NPAS2: variants seen among roughly 807,000 people sequenced by gnomAD.
NPAS2 encodes the protein neuronal PAS domain protein 2.
Under a neutral mutation model 107.5 loss-of-function variants are expected in NPAS2, and 23 were observed. The ratio of observed to expected loss-of-function variants is 0.21; its 90% CI spans 0.15 to 0.30. The LOEUF is 0.30. Ranked by LOEUF, NPAS2 falls within the 10% of genes least tolerant of loss-of-function variation. NPAS2 has a pLI of 1.00. For synonymous variants in NPAS2, 403 were observed against 417.5 expected, an observed-to-expected ratio of 0.97 and a Z score of 0.42; for missense variants, 756 against 1,043.3, an observed-to-expected ratio of 0.72 and a Z score of 3.79.
At chr2:100,951,333 G>A (rs545059014) in intron 7 of NPAS2, among the ~76,000 whole-genome samples, 7 of 152,262 alleles carry the variant, frequency 4.6e-5, no homozygotes, top group Non-Finnish European at 7.4e-5. Context: ...TCTACTTATG[G>A]GTATGCACGC....
At chr2:100,985,082 G>C (rs976216459) in intron 16 of NPAS2, 12 of 152,262 alleles carry the variant, frequency 7.9e-5, no homozygotes, top group African/African-American at 2.9e-4. Flanking sequence ...GACACCTGTA[G>C]CAATGGCAAA....
chr2:100,916,132 TA>T (rs1682868035), intron 2 of NPAS2, among the ~76,000 whole-genome samples: 1 of 151,940 alleles, frequency 6.6e-6, no homozygotes, highest in South Asian at 2.1e-4. Flanking sequence ...AATGGAATAC[TA>T]AAAAATGTTT....
chr2:100,991,005 C>A lies in NPAS2; in HGVS notation c.2111+133C>A, dbSNP rs1025754742. ...AGGCAAGGTCTGAGTGTGCCCACAG[C>A]TGTGAAGGGGACGCTGCCCCTCAGC... On this transcript the variant is annotated intron_variant, in intron 19 of 20. Transcript: ENST00000335681. 4 of 726,318 alleles carry A rather than the reference C, an allele frequency of 5.5e-6. No individual in the cohort carries two copies. The Admixed American group carries it at 8.8e-5, about 16-fold the overall frequency. The allele number at this position is 726,318 out of a possible 1,614,324, so 45.0% of individuals were successfully genotyped here. A position where few individuals can be genotyped will look rare whatever the true frequency, so the allele number is the denominator to read the frequency against.
At chr2:100,937,963 G>A in intron 5 of NPAS2, 121 bp downstream of exon 5, 2 of 839,544 alleles carry the variant, frequency 2.4e-6, no homozygotes, top group Middle Eastern at 2.5e-4. Context: ...AGAGGGCGGA[G>A]AGTAAAGGAC....
chr2:100,844,523 T>C (rs983194215), intron 1 of NPAS2, among the ~76,000 whole-genome samples: 1 of 152,152 alleles, frequency 6.6e-6, no homozygotes, highest in African/African-American at 2.4e-5. Flanking sequence ...CCCCGCCAGC[T>C]CTGCAGGTAT....
intron 2 of NPAS2, among the ~76,000 whole-genome samples, chr2:100,921,814 T>G (rs913234880): frequency 3.3e-5 from 5 of 152,134 alleles, no homozygotes. Flanking sequence ...GACCCAGCAA[T>G]TCCATGCCTC....
At chr2:100,902,226 G>A (rs780295800) in intron 1 of NPAS2, among the ~76,000 whole-genome samples, 1 of 152,122 alleles carries the variant, frequency 6.6e-6, no homozygotes, top group Non-Finnish European at 1.5e-5. Flanking sequence ...TTGCCTTCAA[G>A]CTGGTTCCAG....
At chr2:100,873,299 TATATATATACACACACACACACAC>T (rs1320252311) in intron 1 of NPAS2, among the ~76,000 whole-genome samples, 2 of 44,970 alleles carry the variant, frequency 4.4e-5, no homozygotes, top group African/African-American at 1.5e-4. Flanking sequence ...TATATATATA[TATATATATACACACACACACACAC>T]ACACACACAC....
chr2:100,880,981 T>C (rs1298354595), intron 1 of NPAS2, among the ~76,000 whole-genome samples: 2 of 152,064 alleles, frequency 1.3e-5, no homozygotes, highest in African/African-American at 4.8e-5. Flanking sequence ...GCCTGTCGGG[T>C]GCTGCACTCA....
At chr2:100,844,483 C>A in intron 1 of NPAS2, among the ~76,000 whole-genome samples, 1 of 152,194 alleles carries the variant, frequency 6.6e-6, no homozygotes, top group Non-Finnish European at 1.5e-5. Context: ...GAGGAGGGGC[C>A]CGTGATTCTG....
chr2:100,862,629 G>A (rs1422650546), intron 1 of NPAS2, among the ~76,000 whole-genome samples: 2 of 152,136 alleles, frequency 1.3e-5, no homozygotes, highest in African/African-American at 2.4e-5. Flanking sequence ...AGGTTTTCAG[G>A]TTTGCCCAGG....
intron 17 of NPAS2, chr2:100,988,607 G>A (rs531485975): frequency 4.1e-4 from 146 of 355,834 alleles, no homozygotes; most frequent in Admixed American, 1.3e-3. Flanking sequence ...GAGACCCACT[G>A]GCAGCTGAAT....
rs147400646 is a variant in NPAS2 at position 100,953,331 on chromosome 2, G to A, written c.598+3851G>A. On this transcript the variant is annotated intron_variant, in intron 7 of 20. Transcript: ENST00000335681. ...GGAGGTTACAGTGAGTCGAGATCAC[G>A]CCACAGTACTCCAGCCTGGGTGACA... Among the ~76,000 whole-genome samples the A allele has an allele frequency of 9.6e-3, 1,404 of 146,358 alleles. 26 individuals carry two copies. The highest frequency in any genetic ancestry group is 0.035 in the African/African-American group (1,361 of 39,304).
intron 1 of NPAS2, among the ~76,000 whole-genome samples, chr2:100,889,471 A>G (rs1680918682): frequency 6.6e-6 from 1 of 152,070 alleles, no homozygotes; most frequent in Non-Finnish European, 1.5e-5. Flanking sequence ...TTTTTTCCCT[A>G]CTGACCTATG....
At position 100,995,486 on chromosome 2, in the gene NPAS2, C is replaced by G. The variant is rs778292651; in HGVS notation, c.2379C>G (p.Tyr793Ter). Residue 793 changes from tyrosine (Y) to a stop codon, truncating the protein, a stop_gained, in exon 21 of 21, where the codon TAC (tyrosine) becomes TAG (stop). Transcript: ENST00000335681. LOFTEE classifies it high-confidence loss of function. ...CACAACAGCCAGGGACCCTGGGCTA[C>G]CCCCAACCACCCCCAGCACAGCCCC... ...TYSQQPGTLG[Y>*]PQPPPAQPQP... The G allele has an allele frequency of 6.2e-7, 1 of 1,613,868 alleles. No homozygotes were observed. Among genetic ancestry groups the G allele is most frequent in the Non-Finnish European group, 8.5e-7 (1 of 1,179,958 alleles).
chr2:100,845,034 A>G (rs935525971), intron 1 of NPAS2, among the ~76,000 whole-genome samples: 3 of 152,182 alleles, frequency 2.0e-5, no homozygotes, highest in Non-Finnish European at 4.4e-5. Flanking sequence ...GGAAAGCCTC[A>G]CAGTGGAAAG....
intron 4 of NPAS2, among the ~76,000 whole-genome samples, chr2:100,936,406 C>T (rs576503579): frequency 1.1e-4 from 17 of 152,242 alleles, no homozygotes; most frequent in East Asian, 3.9e-4. Context: ...TGTCCAGATT[C>T]GGGGAAGATA....
At chr2:100,937,607 C>T in intron 4 of NPAS2, 146 bp from the exon 5 acceptor site, 2 of 680,516 alleles carry the variant, frequency 2.9e-6, no homozygotes, top group Admixed American at 2.1e-5. Context: ...CCGTGGAAGG[C>T]CAAGAAGTGC....
chr2:100,830,775 G>A lies in NPAS2; in HGVS notation c.-23+10361G>A, dbSNP rs78801659. ...TATTTTTTCAATCTCAGAACTTGAT[G>A]GCTTCAATTTTCCATTATCCATCAT... On this transcript the variant is annotated intron_variant, in intron 1 of 20. Coordinates refer to ENST00000335681, the MANE Select transcript of NPAS2 (RefSeq NM_002518.4). 2.3e-3 allele frequency among the ~76,000 whole-genome samples: 347 copies of A among 152,222 alleles called. 11 individuals carry two copies. The East Asian group carries it at 0.062, about 27-fold the overall frequency.
Sources: allele counts gnomAD v4.1 joint callset (sites outside exome capture counted in the v4.1 genomes callset), GRCh38; gene constraint gnomAD v4.1.1; transcripts MANE v1.5; gene names NCBI Gene and HGNC (gene_info 2026-07-23, HGNC 2026-07-21).